Variants in SYT7 observed in about 807,000 individuals in gnomAD.
SYT7 encodes the protein synaptotagmin-7.
SYT7 carries 29 observed loss-of-function variants against 75.1 expected under a neutral mutation model. The observed-to-expected ratio is 0.39, with a 90% CI of 0.29 to 0.53. SYT7 has a LOEUF of 0.53. SYT7 is among the 20% of genes least tolerant of loss of function. The pLI, the probability that SYT7 is intolerant of heterozygous loss-of-function variation, is 0.77. For missense variants in SYT7, 693 were observed against 953.2 expected (o/e 0.73, Z 3.59); for synonymous variants, 376 against 401.7 (o/e 0.94, Z 0.76).
At chr11:61,570,772 CG>C (rs1218848468) in intron 1 of SYT7, among the ~76,000 whole-genome samples, 2 of 152,188 alleles carry the variant, frequency 1.3e-5, no homozygotes, top group Non-Finnish European at 2.9e-5. Flanking sequence ...TGTCTTATGG[CG>C]TTAGAGTCTG....
intron 9 of SYT7, among the ~76,000 whole-genome samples, chr11:61,527,666 G>A (rs1006121777): frequency 6.6e-6 from 1 of 152,222 alleles, no homozygotes; most frequent in South Asian, 2.1e-4. Context: ...GACACAAAAC[G>A]CATCAGGTTA....
At chr11:61,572,123 G>GT (rs1338128803) in intron 1 of SYT7, among the ~76,000 whole-genome samples, 6 of 152,186 alleles carry the variant, frequency 3.9e-5, no homozygotes, top group Non-Finnish European at 7.3e-5. Context: ...GGTTGGGGGG[G>GT]GGGCACACAG....
At chr11:61,563,674 C>T (rs1405119366) in intron 1 of SYT7, among the ~76,000 whole-genome samples, 1 of 152,166 alleles carries the variant, frequency 6.6e-6, no homozygotes, top group Non-Finnish European at 1.5e-5. Flanking sequence ...CCTTGTCACA[C>T]CTATGATGCT....
chr11:61,523,761 C>T lies in SYT7; in HGVS notation c.1756+66G>A, dbSNP rs1296074905. ...CACTGCAGACCCTGCTCTCCACATCCGGTGTAAACCTTGTGTCACCAGCAC... is the reference window on the plus strand; with the variant it reads ...CACTGCAGACCCTGCTCTCCACATCTGGTGTAAACCTTGTGTCACCAGCAC... On this transcript the variant is annotated intron_variant, in intron 11 of 12. Transcript: ENST00000539008. This position sits in a 1 kb window ranked among gnomAD's most constrained non-coding sequence, Gnocchi z 5.0. The T allele has an allele frequency of 2.0e-5, 30 of 1,478,672 alleles. No homozygotes were observed. The highest frequency in any genetic ancestry group is 1.9e-4 in the South Asian group (16 of 85,006). The allele number at this position is 1,478,672 out of a possible 1,614,324, so 91.6% of individuals were successfully genotyped here.
chr11:61,565,906 T>C (rs1464900690), intron 1 of SYT7, among the ~76,000 whole-genome samples: 3 of 152,252 alleles, frequency 2.0e-5, no homozygotes, highest in Admixed American at 2.0e-4. Context: ...GTGCGCTGGC[T>C]GGGGCCGCAG....
In SYT7 at chr11:61,576,899, G is replaced by A. The variant is rs2064097466; in HGVS notation, c.31+3891C>T. Among the ~76,000 whole-genome samples the A allele has an allele frequency of 6.6e-6, 1 of 152,132 alleles. No individual in the cohort carries two copies. The highest frequency in any genetic ancestry group is 1.5e-5 in the Non-Finnish European group (1 of 68,020). On this transcript the variant is annotated intron_variant, in intron 1 of 12. Transcript: ENST00000539008. This position sits in a 1 kb window ranked among gnomAD's most constrained non-coding sequence, Gnocchi z 4.1. ...CTGAGCTTGGGGTCAGCCAGGAGCAGAACCCAGCTGCCCAGGGCCTGTCTT... is the reference window on the plus strand; with the variant it reads ...CTGAGCTTGGGGTCAGCCAGGAGCAAAACCCAGCTGCCCAGGGCCTGTCTT...
At chr11:61,537,901 T>G in intron 7 of SYT7, among the ~76,000 whole-genome samples, 1 of 152,182 alleles carries the variant, frequency 6.6e-6, no homozygotes, top group African/African-American at 2.4e-5. Context: ...GGGGCAAGCA[T>G]GCCAGAGAGC....
Position 61,524,253 on chromosome 11 carries a change from C to A in SYT7, c.1641+110G>T. ...GCTCCATCGGGTCCACCCATCTGCA[C>A]CCTCTCCCACAGCCCTCCTGGCCTT... On this transcript the variant is annotated intron_variant, in intron 10 of 12. Coordinates refer to ENST00000539008, the MANE Select transcript of SYT7 (RefSeq NM_001365809.2). This position sits in a 1 kb window ranked among gnomAD's most constrained non-coding sequence, Gnocchi z 4.1. The A allele has an allele frequency of 2.2e-6, 3 of 1,366,904 alleles. No individual in the cohort carries two copies. The African/African-American group carries it at 4.3e-5, about 20-fold the overall frequency. The allele number at this position is 1,366,904 out of a possible 1,614,324, so 84.7% of individuals were successfully genotyped here. A position where few individuals can be genotyped will look rare whatever the true frequency, so the allele number is the denominator to read the frequency against.
In SYT7 at chr11:61,558,475, A is replaced by AAT. The variant is rs1294807234; in HGVS notation, c.32-2270_32-2269dup. On this transcript the variant is annotated intron_variant, in intron 1 of 12. Coordinates refer to ENST00000539008, the MANE Select transcript of SYT7 (RefSeq NM_001365809.2). ...ACAGAGCAAGACTCTGTTTCAAAAA[A>AAT]ATATATATATACACACACACACACA... 2.3e-3 allele frequency among the ~76,000 whole-genome samples: 330 copies of AAT among 143,078 alleles called. 1 individual carries two copies. Among genetic ancestry groups the AAT allele is most frequent in the African/African-American group, 8.6e-3 (311 of 36,222 alleles). The allele number at this position is 143,078 out of a possible 152,430, so 93.9% of individuals were successfully genotyped here.
chr11:61,581,664 GA>G (rs2064279161), upstream of SYT7, among the ~76,000 whole-genome samples: 1 of 152,222 alleles, frequency 6.6e-6, no homozygotes, highest in Non-Finnish European at 1.5e-5. Context: ...AGGTGGAGCC[GA>G]AAGGGCTAAG....
rs1383811917 is a variant in SYT7, at chr11:61,546,703, C to T, written c.348-448G>A. On this transcript the variant is annotated intron_variant, in intron 4 of 12. Coordinates refer to ENST00000539008, the MANE Select transcript of SYT7 (RefSeq NM_001365809.2). This position sits in a 1 kb window ranked among gnomAD's most constrained non-coding sequence, Gnocchi z 7.6. ...CCCAAGGCAGGGAGAAAGAGAAAGC[C>T]GTGTTAGTCAGAGTTCATCACCACC... The T allele has an allele frequency of 6.6e-6, 3 of 457,358 alleles. No homozygotes were observed. Among genetic ancestry groups the T allele is most frequent in the East Asian group, 6.9e-5 (1 of 14,460 alleles). 28.3% of individuals were successfully genotyped at this position (457,358 alleles called of 1,614,324 possible).
intron 1 of SYT7, among the ~76,000 whole-genome samples, chr11:61,579,201 T>G (rs1199589687): frequency 6.6e-6 from 1 of 152,214 alleles, no homozygotes; most frequent in East Asian, 1.9e-4. Context: ...CTACCTTCCA[T>G]CCTCATACCC....
chr11:61,517,495 A>G lies in SYT7; in HGVS notation c.*1132T>C. The stretch of plus-strand genomic sequence containing the variant: ...AGACCACGCACGATGAGACGGAATG[A>G]ATGGAAGGTCTACAAGCATTGGGGG... On this transcript the variant is annotated 3_prime_UTR_variant, in exon 13 of 13. Transcript: ENST00000539008. 2.5e-6 allele frequency: 1 copy of G among 398,996 alleles called. No homozygotes were observed. Among genetic ancestry groups the G allele is most frequent in the East Asian group, 3.6e-5 (1 of 28,050 alleles). 24.7% of individuals were successfully genotyped at this position (398,996 alleles called of 1,614,324 possible). A position where few individuals can be genotyped will look rare whatever the true frequency, so the allele number is the denominator to read the frequency against.
chr11:61,574,768 C>T (rs2064022525), intron 1 of SYT7, among the ~76,000 whole-genome samples: 1 of 152,074 alleles, frequency 6.6e-6, no homozygotes, highest in Non-Finnish European at 1.5e-5. Flanking sequence ...AGAGAGCCTG[C>T]TATGTGCCAG....
intron 1 of SYT7, among the ~76,000 whole-genome samples, chr11:61,566,088 T>A (rs1249164805): frequency 6.6e-6 from 1 of 152,248 alleles, no homozygotes; most frequent in Non-Finnish European, 1.5e-5. Flanking sequence ...CCTGGTGAGC[T>A]ATGAGGACCT....
intron 12 of SYT7, among the ~76,000 whole-genome samples, chr11:61,522,552 T>A (rs1292190376): frequency 6.6e-6 from 1 of 152,172 alleles, no homozygotes; most frequent in Non-Finnish European, 1.5e-5. Flanking sequence ...TGTAAAGTTC[T>A]ACAGGGACAG....
chr11:61,556,097 G>A lies in SYT7; in HGVS notation c.135+7C>T. On this transcript the variant is annotated splice_region_variant and intron_variant, in intron 2 of 12. Coordinates refer to ENST00000539008, the MANE Select transcript of SYT7 (RefSeq NM_001365809.2). Reference sequence around the variant, plus strand: ...ACCACCCTCCAAGGGGCCCTCAGGAGCCTCACCAGTTTGCGCTGACACCAG... The same window carrying A: ...ACCACCCTCCAAGGGGCCCTCAGGAACCTCACCAGTTTGCGCTGACACCAG... The A allele has an allele frequency of 6.2e-7, 1 of 1,612,622 alleles. No homozygotes were observed. The highest frequency in any genetic ancestry group is 8.5e-7 in the Non-Finnish European group (1 of 1,179,252).
At chr11:61,530,732 G>C in intron 8 of SYT7, 1 of 924,238 alleles carries the variant, frequency 1.1e-6, no homozygotes, top group Non-Finnish European at 1.3e-6. Context: ...AAACAGTGTG[G>C]TCTTGGGAAG....
At chr11:61,544,389 G>A (rs990495302) in intron 5 of SYT7, among the ~76,000 whole-genome samples, 1 of 152,220 alleles carries the variant, frequency 6.6e-6, no homozygotes, top group Admixed American at 6.5e-5. Context: ...GGGAGAGAAA[G>A]AGTATAGTAA....
Sources: gnomAD v4.1 joint callset for allele counts (sites outside exome capture counted in the v4.1 genomes callset) on GRCh38, gnomAD v4.1.1 for gene constraint, Gnocchi (gnomAD v3.1) non-coding constraint, MANE v1.5 for transcripts, NCBI Gene and HGNC (gene_info 2026-07-23, HGNC 2026-07-21) for gene names.